The following SVOPL variants were observed in gnomAD, a reference collection of about 807,000 sequenced individuals.
SVOPL encodes putative transporter SVOPL.
SVOPL carries 60 observed loss-of-function variants against 61.0 expected under a neutral mutation model. The observed-to-expected ratio is 0.98, with a 90% CI of 0.80 to 1.22. SVOPL has a LOEUF of 1.22. Among genes scored for constraint, SVOPL ranks in the 50% most tolerant of loss-of-function variants. SVOPL has a pLI of 0.00. For synonymous variants in SVOPL, 279 were observed against 250.0 expected (o/e 1.12, Z -1.09); for missense variants, 662 against 643.9 (o/e 1.03, Z -0.30).
At chr7:138,614,392 CTTTTTT>C (rs528123598) in intron 14 of SVOPL, among the ~76,000 whole-genome samples, 47,936 of 137,746 alleles carry the variant, frequency 0.35, 8,860 homozygotes, top group African/African-American at 0.5. Flanking sequence ...AGCATTTCAA[CTTTTTT>C]TTTTTTTTTT....
At chr7:138,595,686 C>G (rs1258555142) in intron 15 of SVOPL, among the ~76,000 whole-genome samples, 2 of 151,972 alleles carry the variant, frequency 1.3e-5, no homozygotes, top group African/African-American at 2.4e-5. Context: ...TCTTAGTTTC[C>G]TCATTTGTAT....
chr7:138,631,343 C>G (rs1391236321), intron 9 of SVOPL, among the ~76,000 whole-genome samples: 1 of 152,092 alleles, frequency 6.6e-6, no homozygotes, highest in African/African-American at 2.4e-5. Context: ...ACGAACAATC[C>G]AATTACACAC....
At chr7:138,632,081 CTG>C (rs1336178652) in intron 9 of SVOPL, among the ~76,000 whole-genome samples, 2 of 152,110 alleles carry the variant, frequency 1.3e-5, no homozygotes, top group African/African-American at 4.8e-5. Context: ...GATTGTAAGA[CTG>C]TGACCAGAAT....
intron 9 of SVOPL, among the ~76,000 whole-genome samples, chr7:138,637,473 TAGATATAGATATAG>T (rs1563108815): frequency 0.11 from 2,607 of 24,010 alleles, 28 homozygotes; most frequent in South Asian, 0.2. Flanking sequence ...TATATAGATA[TAGATATAGATATAG>T]ATAGATATAT....
In SVOPL at chr7:138,602,442, T is replaced by G. The variant is rs552269985; in HGVS notation, c.1354-5912A>C. 0.024 allele frequency among the ~76,000 whole-genome samples: 20 copies of G among 824 alleles called. No homozygotes were observed. The South Asian group carries it at 0.3, about 12-fold the overall frequency. 0.5% of individuals were successfully genotyped at this position (824 alleles called of 152,430 possible). ...ATTATTAGTGAGAAAAGGCAGTTGCTATATATATATATATATATATATATA... is the reference window on the plus strand; with the variant it reads ...ATTATTAGTGAGAAAAGGCAGTTGCGATATATATATATATATATATATATA... On this transcript the variant is annotated intron_variant, in intron 14 of 15. Coordinates refer to ENST00000674285, the MANE Select transcript of SVOPL (RefSeq NM_001139456.2).
chr7:138,622,160 G>GTA (rs1799662802), intron 13 of SVOPL, among the ~76,000 whole-genome samples: 1 of 18,408 alleles, frequency 5.4e-5, no homozygotes, highest in Non-Finnish European at 1.2e-4. Flanking sequence ...GTATCTATCT[G>GTA]TCTATGTATC....
chr7:138,679,329 G>A (rs1030836129), intron 1 of SVOPL, among the ~76,000 whole-genome samples: 1 of 152,146 alleles, frequency 6.6e-6, no homozygotes, highest in East Asian at 1.9e-4. Context: ...GAGTTCAGTG[G>A]TGCAATCTCA....
intron 8 of SVOPL, chr7:138,645,582 T>A (rs565812383): frequency 6.5e-6 from 1 of 152,922 alleles, no homozygotes; most frequent in South Asian, 2.1e-4. Flanking sequence ...TCCTAGCACA[T>A]AATCTCTTCC....
At chr7:138,634,087 T>C (rs1380043422) in intron 9 of SVOPL, among the ~76,000 whole-genome samples, 1 of 152,234 alleles carries the variant, frequency 6.6e-6, no homozygotes, top group Non-Finnish European at 1.5e-5. Flanking sequence ...GGTTGTGTAC[T>C]AGCAGCTTTT....
intron 9 of SVOPL, among the ~76,000 whole-genome samples, chr7:138,639,926 T>C (rs1199943327): frequency 7.1e-6 from 1 of 139,966 alleles, no homozygotes; most frequent in East Asian, 2.2e-4. Context: ...TTTTTTTTTT[T>C]AGCGGGGAGC....
rs569812190 is a variant in SVOPL at position 138,677,140 on chromosome 7, G to A, written c.174+1294C>T. Among the ~76,000 whole-genome samples, 1,260 of 152,042 alleles carry A rather than the reference G, an allele frequency of 8.3e-3. 11 individuals carry two copies. Among genetic ancestry groups the A allele is most frequent in the African/African-American group, 0.029 (1,215 of 41,470 alleles). ...AGGATGGTCTCGATATCCTGACCTC[G>A]TGATCCGCCCGCCTCGGCCTCCCAA... On this transcript the variant is annotated intron_variant, in intron 3 of 15. Coordinates refer to ENST00000674285, the MANE Select transcript of SVOPL (RefSeq NM_001139456.2).
At chr7:138,610,075 A>C (rs1255681007) in intron 14 of SVOPL, among the ~76,000 whole-genome samples, 1 of 152,170 alleles carries the variant, frequency 6.6e-6, no homozygotes, top group East Asian at 1.9e-4. Flanking sequence ...AATAGTTGAG[A>C]TGTTCAATAA....
chr7:138,621,777 A>G (rs529237672), intron 13 of SVOPL, among the ~76,000 whole-genome samples: 1 of 112,906 alleles, frequency 8.9e-6, no homozygotes, highest in Non-Finnish European at 2.0e-5. Flanking sequence ...TCTTAACAGC[A>G]TATTCTATCT....
At chr7:138,663,716 C>T in intron 4 of SVOPL, 2 of 636,106 alleles carry the variant, frequency 3.1e-6, no homozygotes, top group Non-Finnish European at 3.9e-6. Context: ...TTTATTATAA[C>T]TTGGCCTGAG....
rs149062238 is a variant in SVOPL at position 138,685,308 on chromosome 7, C to T, written c.-34-6229G>A. Among the ~76,000 whole-genome samples, 869 of 152,116 alleles carry T rather than the reference C, an allele frequency of 5.7e-3. 7 individuals are homozygous for T. The highest frequency in any genetic ancestry group is 0.02 in the African/African-American group (828 of 41,486). Reference sequence around the variant, plus strand: ...ACAAGGTGGATGAAACTGAAGGACACGATGCTAAATTAAACAAGCCAGGCA... The same window carrying T: ...ACAAGGTGGATGAAACTGAAGGACATGATGCTAAATTAAACAAGCCAGGCA... On this transcript the variant is annotated intron_variant, in intron 1 of 15. Transcript: ENST00000674285.
chr7:138,617,406 G>A (rs1799349692), intron 14 of SVOPL, among the ~76,000 whole-genome samples: 1 of 152,146 alleles, frequency 6.6e-6, no homozygotes, highest in African/African-American at 2.4e-5. Context: ...GGAGGAGCAA[G>A]AAGAAGGAAA....
Position 138,659,974 on chromosome 7 carries a change from C to G in SVOPL, c.360G>C (p.Ser120=). 1 of 1,551,430 alleles carries G rather than the reference C, an allele frequency of 6.4e-7. No individual in the cohort carries two copies. Among genetic ancestry groups the G allele is most frequent in the Non-Finnish European group, 8.7e-7 (1 of 1,146,948 alleles). ...RYGRWKILLI[S]FLWGAYFSLL... ...AGGAGAAATAGGCTCCCCACAGGAA[C>G]GAGATGAGCAGAATCTGAAGCAACA... Residue 120 remains serine, a synonymous_variant, in exon 6 of 16, where the codon TCG becomes TCC. Coordinates refer to ENST00000674285, the MANE Select transcript of SVOPL (RefSeq NM_001139456.2).
chr7:138,597,310 C>A, intron 14 of SVOPL: 1 of 1,091,420 alleles, frequency 9.2e-7, no homozygotes, highest in South Asian at 1.4e-5. Flanking sequence ...TGGCTGAATA[C>A]AATTTCTTCC....
intron 4 of SVOPL, among the ~76,000 whole-genome samples, chr7:138,668,401 G>A (rs990783862): frequency 3.4e-4 from 52 of 152,284 alleles, no homozygotes; most frequent in African/African-American, 1.1e-3. Context: ...TAGTCAGCGG[G>A]CAAGGTGAAC....
Sources: gnomAD v4.1 joint callset for allele counts (sites outside exome capture counted in the v4.1 genomes callset) on GRCh38, gnomAD v4.1.1 for gene constraint, MANE v1.5 for transcripts, NCBI Gene and HGNC (gene_info 2026-07-23, HGNC 2026-07-21) for gene names.